NELL1: variants seen among roughly 807,000 people sequenced by gnomAD.
NELL1 encodes protein kinase C-binding protein NELL1.
In NELL1, 76 loss-of-function variants were observed where a neutral mutation model predicts 107.4. That is an observed-to-expected ratio of 0.71 (90% CI 0.59 to 0.86). The LOEUF is 0.86. Ranked by LOEUF, NELL1 falls within the 40% of genes least tolerant of loss-of-function variation. The probability of loss-of-function intolerance (pLI) is 0.00; values close to 1 mark genes in which losing one functional copy is unlikely to be tolerated. For synonymous variants in NELL1, 353 were observed against 341.2 expected (o/e 1.03, Z -0.38); for missense variants, 1,024 against 1,005.5 (o/e 1.02, Z -0.25).
At chr11:21,190,394 G>A (rs916008649) in intron 13 of NELL1, among the ~76,000 whole-genome samples, 1 of 151,608 alleles carries the variant, frequency 6.6e-6, no homozygotes, top group African/African-American at 2.4e-5. Context: ...ATGTAAAATG[G>A]GAATACTGGA....
At chr11:20,717,863 C>G (rs1221296306) in intron 2 of NELL1, among the ~76,000 whole-genome samples, 1 of 152,140 alleles carries the variant, frequency 6.6e-6, no homozygotes, top group African/African-American at 2.4e-5. Flanking sequence ...GTACCCAGCA[C>G]AATGTGTGAC....
At chr11:20,730,523 G>C (rs565746222) in intron 2 of NELL1, among the ~76,000 whole-genome samples, 5 of 152,282 alleles carry the variant, frequency 3.3e-5, no homozygotes, top group African/African-American at 1.2e-4. Context: ...ATCGGTACTT[G>C]AACCTAGACC....
chr11:20,920,300 A>T (rs1850349622), intron 7 of NELL1, among the ~76,000 whole-genome samples: 1 of 152,124 alleles, frequency 6.6e-6, no homozygotes, highest in Admixed American at 6.6e-5. Context: ...GCTCCCTACC[A>T]TCAGCCATGG....
At chr11:21,564,358 G>A (rs1359677236) in intron 17 of NELL1, among the ~76,000 whole-genome samples, 1 of 151,954 alleles carries the variant, frequency 6.6e-6, no homozygotes, top group Non-Finnish European at 1.5e-5. Context: ...CTGTGGTAAT[G>A]TCTTCCCTAT....
intron 13 of NELL1, among the ~76,000 whole-genome samples, chr11:21,218,938 G>C (rs1407676099): frequency 1.3e-5 from 2 of 152,086 alleles, no homozygotes; most frequent in East Asian, 1.9e-4. Flanking sequence ...GAATAATGCT[G>C]CAGTAAATAT....
chr11:21,461,490 T>C (rs1054040907), intron 15 of NELL1, among the ~76,000 whole-genome samples: 42 of 152,092 alleles, frequency 2.8e-4, no homozygotes, highest in African/African-American at 1.0e-3. Context: ...TAGAAAACTT[T>C]AGGAAACATT....
intron 2 of NELL1, among the ~76,000 whole-genome samples, chr11:20,777,453 C>T (rs11025754): frequency 0.36 from 54,448 of 152,050 alleles, 12,640 homozygotes; most frequent in African/African-American, 0.66. Context: ...CTTCTAGTGA[C>T]TTCTGTTTTT....
intron 12 of NELL1, among the ~76,000 whole-genome samples, chr11:21,021,012 A>AACACACACACACACACACAC (rs56813080): frequency 8.8e-4 from 124 of 140,296 alleles, no homozygotes; most frequent in African/African-American, 3.2e-3. Flanking sequence ...AGAAACTTAG[A>AACACACACACACACACACAC]ACACACACAC....
intron 12 of NELL1, among the ~76,000 whole-genome samples, chr11:21,072,698 T>G (rs1003346349): frequency 1.3e-5 from 2 of 152,060 alleles, no homozygotes; most frequent in Non-Finnish European, 2.9e-5. Context: ...GAGAAATCAG[T>G]AAAGAGGAAC....
At position 20,877,411 on chromosome 11, in the gene NELL1, G is replaced by A. The variant is rs185564670; in HGVS notation, c.507-8033G>A. ...TTATATAATTAGGAAAGGTACTGTG[G>A]AGTCTCTTCAAAAACCTTCCTTTAT... On this transcript the variant is annotated intron_variant, in intron 4 of 19. Coordinates refer to ENST00000357134, the MANE Select transcript of NELL1 (RefSeq NM_006157.5). Among the ~76,000 whole-genome samples, 500 of 152,268 alleles carry A rather than the reference G, an allele frequency of 3.3e-3. 5 individuals are homozygous for A. Among genetic ancestry groups the A allele is most frequent in the Middle Eastern group, 6.8e-3 (2 of 294 alleles).
rs1856933270 is a variant in NELL1 at position 20,785,357 on chromosome 11, G to A, written c.335+1527G>A. Among the ~76,000 whole-genome samples, 3 of 152,260 alleles carry A rather than the reference G, an allele frequency of 2.0e-5. No homozygotes were observed. In the South Asian group the frequency reaches 6.2e-4, roughly 31 times the overall value. ...CCAGAGAAAGCAAGGTGATGTACAT[G>A]TCTGTGAGAGATATGGGTTCGTTCA... On this transcript the variant is annotated intron_variant, in intron 3 of 19. Transcript: ENST00000357134.
At chr11:20,795,247 C>T (rs992470328) in intron 3 of NELL1, among the ~76,000 whole-genome samples, 2 of 152,072 alleles carry the variant, frequency 1.3e-5, no homozygotes, top group Non-Finnish European at 2.9e-5. Flanking sequence ...AATTGAGTTC[C>T]CATGGATATC....
chr11:20,919,131 G>A (rs1039359039), intron 6 of NELL1, 121 bp from the exon 7 acceptor site: 5 of 473,808 alleles, frequency 1.1e-5, no homozygotes, highest in African/African-American at 4.1e-5. Flanking sequence ...AAATTTCAAA[G>A]CAATGTCAAC....
At chr11:20,900,739 T>C (rs1849854560) in intron 5 of NELL1, among the ~76,000 whole-genome samples, 1 of 152,116 alleles carries the variant, frequency 6.6e-6, no homozygotes, top group African/African-American at 2.4e-5. Flanking sequence ...TAGCAACCTG[T>C]TTATTAGCAG....
At chr11:21,180,046 C>A in intron 13 of NELL1, among the ~76,000 whole-genome samples, 1 of 107,768 alleles carries the variant, frequency 9.3e-6, no homozygotes, top group Admixed American at 1.5e-4. Context: ...AAAGAGCTGG[C>A]TAGAGGACTG....
intron 14 of NELL1, among the ~76,000 whole-genome samples, chr11:21,353,571 G>C (rs1433748728): frequency 7.2e-5 from 11 of 152,150 alleles, no homozygotes; most frequent in Non-Finnish European, 1.5e-5. Context: ...TGTTGTAGAT[G>C]AGATATAGCT....
At chr11:21,540,750 T>A (rs887447900) in intron 16 of NELL1, among the ~76,000 whole-genome samples, 2 of 152,106 alleles carry the variant, frequency 1.3e-5, no homozygotes, top group Non-Finnish European at 2.9e-5. Context: ...TCTACTCCCA[T>A]GATTGAATCA....
At chr11:21,501,012 T>C (rs1330020013) in intron 15 of NELL1, among the ~76,000 whole-genome samples, 1 of 152,118 alleles carries the variant, frequency 6.6e-6, no homozygotes, top group Non-Finnish European at 1.5e-5. Flanking sequence ...CCAGTGACTA[T>C]CCTGATGGTG....
At chr11:21,223,737 A>G (rs1201377965) in intron 13 of NELL1, among the ~76,000 whole-genome samples, 1 of 152,120 alleles carries the variant, frequency 6.6e-6, no homozygotes, top group Non-Finnish European at 1.5e-5. Context: ...TATCTGCTCT[A>G]CCAGTGAGTT....
Sources: gnomAD v4.1 joint callset for allele counts (sites outside exome capture counted in the v4.1 genomes callset) on GRCh38, gnomAD v4.1.1 for gene constraint, MANE v1.5 for transcripts, NCBI Gene and HGNC (gene_info 2026-07-23, HGNC 2026-07-21) for gene names.